SEPTIN12: variants seen among roughly 807,000 people sequenced by gnomAD.
SEPTIN12 encodes septin 12.
In SEPTIN12, 42 loss-of-function variants were observed where a neutral mutation model predicts 37.7. The observed-to-expected ratio is 1.11, with a 90% confidence interval of 0.87 to 1.44. The LOEUF (loss-of-function observed/expected upper bound fraction) is 1.44. Ranked by LOEUF, SEPTIN12 falls within the 40% of genes most tolerant of loss-of-function variation. SEPTIN12 has a pLI of 0.00. For missense variants in SEPTIN12, 613 were observed against 479.2 expected, an observed-to-expected ratio of 1.28 and a Z score of -2.61; for synonymous variants, 254 against 196.7, an observed-to-expected ratio of 1.29 and a Z score of -2.44.
At chr16:4,789,548 G>A (rs552771830), upstream of SEPTIN12, among the ~76,000 whole-genome samples, 4 of 152,052 alleles carry the variant, frequency 2.6e-5, no homozygotes, top group African/African-American at 7.2e-5. Flanking sequence ...GGATGGTCTC[G>A]ATCTCCTGAT....
In SEPTIN12 at chr16:4,783,759, G is replaced by T. The variant is rs371904897; in HGVS notation, c.520C>A (p.Pro174Thr). Residue 174 changes from proline (P) to threonine (T), a missense_variant, in exon 6 of 10, where the codon CCC (proline) becomes ACC (threonine). Coordinates refer to ENST00000268231, the MANE Select transcript of SEPTIN12 (RefSeq NM_144605.5). ...FVPPTGHCLR[P>T]LDIEFLQRLC... ...CGCTGCAGGAACTCAATGTCCAGGG[G>T]CCGCAGGCTGCCGGAGGCAGGGCAG... The T allele has an allele frequency of 3.7e-6, 6 of 1,613,512 alleles. No homozygotes were observed. In the African/African-American group the frequency reaches 5.3e-5, roughly 14 times the overall value.
At chr16:4,783,858 C>T (rs370899328) in intron 5 of SEPTIN12, 73 bp downstream of exon 5, 10 of 1,605,834 alleles carry the variant, frequency 6.2e-6, no homozygotes, top group Non-Finnish European at 8.5e-6. Context: ...GCCGGCAGCC[C>T]ATGGTGGGGA....
chr16:4,787,437 G>T (rs373116265), intron 2 of SEPTIN12, 43 bp downstream of exon 2: 1 of 1,590,976 alleles, frequency 6.3e-7, no homozygotes, highest in East Asian at 2.2e-5. Context: ...GGCACGCGTA[G>T]CACTGTGGGT....
chr16:4,781,943 C>CTTTTTTTTTTTTTTTT (rs571415645), intron 7 of SEPTIN12, among the ~76,000 whole-genome samples: 2 of 47,446 alleles, frequency 4.2e-5, no homozygotes, highest in Non-Finnish European at 7.1e-5. Context: ...CGTGCCCGGC[C>CTTTTTTTTTTTTTTTT]TTTTTTTTTT....
intron 2 of SEPTIN12, among the ~76,000 whole-genome samples, chr16:4,786,973 C>T (rs1221471727): frequency 6.6e-6 from 1 of 152,062 alleles, no homozygotes; most frequent in Non-Finnish European, 1.5e-5. Flanking sequence ...CTCCCAGGTT[C>T]AAGCAATTCT....
Position 4,784,005 on chromosome 16 carries a change from G to T in SEPTIN12, c.438C>A (p.Leu146=). 1 of 1,614,182 alleles carries T rather than the reference G, an allele frequency of 6.2e-7. No individual in the cohort carries two copies. Among genetic ancestry groups the T allele is most frequent in the East Asian group, 2.2e-5 (1 of 44,880 alleles). The change falls in exon 5 of 10, where the codon CTC becomes CTA. Residue 146 remains leucine, a synonymous_variant. Coordinates refer to ENST00000268231, the MANE Select transcript of SEPTIN12 (RefSeq NM_144605.5). ...CTGGGATGTGGCGCTGGCGGGTGAT[G>T]AGGATCTCCTCCTGCAGGTACTGCT... The part of the protein sequence containing the change: ...QYEQYLQEEI[L]ITRQRHIPDT...
chr16:4,786,913 C>T (rs956794283), intron 2 of SEPTIN12, among the ~76,000 whole-genome samples: 1 of 152,088 alleles, frequency 6.6e-6, no homozygotes, highest in Non-Finnish European at 1.5e-5. Context: ...CTTGCTCTGT[C>T]ACCCAGGCTG....
chr16:4,780,620 T>G (rs1238000384), intron 7 of SEPTIN12, among the ~76,000 whole-genome samples: 5 of 152,190 alleles, frequency 3.3e-5, no homozygotes, highest in Non-Finnish European at 1.5e-5. Flanking sequence ...AATTCAAACT[T>G]GCAAACTCCG....
rs567607491 is a variant in SEPTIN12, at chr16:4,780,230, G to A, written c.727-444C>T. On this transcript the variant is annotated intron_variant, in intron 7 of 9. Transcript: ENST00000268231. ...AGTCCCCTGAGGAGTGAGGACCATA[G>A]GTGTGCACCACCATGCCTGGCTACT... Among the ~76,000 whole-genome samples, 129 of 152,132 alleles carry A rather than the reference G, an allele frequency of 8.5e-4. 1 individual carries two copies. In the South Asian group the frequency reaches 0.015, roughly 17 times the overall value.
chr16:4,787,592 G>A lies in SEPTIN12; in HGVS notation c.54C>T (p.Ser18=), dbSNP rs1286871150. 1.9e-6 allele frequency: 3 copies of A among 1,606,572 alleles called. No homozygotes were observed. The South Asian group carries it at 3.3e-5, about 18-fold the overall frequency. ...GCATCTCGCAGGGTGGGGTGCTGGG[G>A]CTGGAGGGCTGCGAGGACAGGCAGG... is the stretch of plus-strand genomic sequence containing the variant. The part of the protein sequence containing the change: ...PSPCLSSQPS[S]PSTPPCEMLG... Residue 18 remains serine, a synonymous_variant, in exon 2 of 10, where the codon AGC becomes AGT. Transcript: ENST00000268231.
At chr16:4,788,667 A>G (rs1439215512), upstream of SEPTIN12, 1 of 152,220 alleles carries the variant, frequency 6.6e-6, no homozygotes, top group Non-Finnish European at 1.5e-5. Flanking sequence ...CGTCAAAAAC[A>G]TGAAGAGATT....
intron 4 of SEPTIN12, among the ~76,000 whole-genome samples, chr16:4,784,677 G>A (rs978801263): frequency 3.9e-5 from 6 of 151,936 alleles, no homozygotes; most frequent in Non-Finnish European, 7.4e-5. Flanking sequence ...GGCTGAGGCA[G>A]GAGGGTCCTT....
At chr16:4,778,249 A>T in intron 8 of SEPTIN12, 112 bp from the exon 9 acceptor site, 1 of 1,112,680 alleles carries the variant, frequency 9.0e-7, no homozygotes, top group Non-Finnish European at 1.3e-6. Context: ...ATTTCTCTTT[A>T]CCCTATCCTG....
intron 7 of SEPTIN12, 62 bp from the exon 8 acceptor site, chr16:4,779,848 G>T: frequency 8.8e-7 from 1 of 1,136,880 alleles, no homozygotes; most frequent in Non-Finnish European, 1.3e-6. Flanking sequence ...GAGAAGAAAA[G>T]TCAAGGCACC....
chr16:4,787,554 C>A lies in SEPTIN12; in HGVS notation c.92G>T (p.Gly31Val), dbSNP rs1335935528. Reference sequence around the variant, plus strand: ...CAGCTGGTCCAGCACAGCCTCAATGCCCACAGGACCAAGCATCTCGCAGGG... The same window carrying A: ...CAGCTGGTCCAGCACAGCCTCAATGACCACAGGACCAAGCATCTCGCAGGG... ...TPPCEMLGPVGIEAVLDQLKI... is the reference protein window; with the variant it reads ...TPPCEMLGPVVIEAVLDQLKI... Residue 31 changes from glycine (G) to valine (V), a missense_variant, in exon 2 of 10, where the codon GGC becomes GTC. Gly to Val is a moderately radical substitution (Grantham distance 109). Transcript: ENST00000268231. 1.2e-5 allele frequency: 20 copies of A among 1,611,730 alleles called. No individual in the cohort carries two copies. The highest frequency in any genetic ancestry group is 1.7e-5 in the Non-Finnish European group (20 of 1,179,846).
At chr16:4,791,178 G>GA (rs1187738435), upstream of SEPTIN12, among the ~76,000 whole-genome samples, 1 of 152,250 alleles carries the variant, frequency 6.6e-6, no homozygotes, top group Non-Finnish European at 1.5e-5. Context: ...GCGGTGAGGG[G>GA]AGGAGCCTCA....
At chr16:4,785,690 A>ATCACTTGAACCTGGGAGGTGGAGGTTGC in intron 4 of SEPTIN12, 117 bp downstream of exon 4, 2 of 724,506 alleles carry the variant, frequency 2.8e-6, no homozygotes, top group Non-Finnish European at 4.7e-6. Flanking sequence ...AGGCAGGAGA[A>ATCACTTGAACCTGGGAGGTGGAGGTTGC]TCACTTGAAC....
In SEPTIN12 at chr16:4,783,465, T is replaced by C; in HGVS notation, c.723A>G (p.Leu241=). The C allele has an allele frequency of 6.2e-7, 1 of 1,613,680 alleles. No individual in the cohort carries two copies. Among genetic ancestry groups the C allele is most frequent in the Non-Finnish European group, 8.5e-7 (1 of 1,179,706 alleles). The change falls in exon 7 of 10, where the codon TTA becomes TTG. Residue 241 remains leucine, a synonymous_variant. Transcript: ENST00000268231. Reference sequence around the variant, plus strand: ...CTCCCGCCCCACAGCCTCTCACCCGTAACTTGCTGTTGAGGATTTTGTCAT... The same window carrying C: ...CTCCCGCCCCACAGCCTCTCACCCGCAACTTGCTGTTGAGGATTTTGTCAT... ...DINDKILNSK[L]RDRIPFAVVG...
At chr16:4,784,326 G>A in intron 4 of SEPTIN12, 1 of 493,270 alleles carries the variant, frequency 2.0e-6, no homozygotes, top group South Asian at 2.3e-5. Context: ...TAAGGGAGGG[G>A]TGAGCATTAA....
Sources: allele counts gnomAD v4.1 joint callset (sites outside exome capture counted in the v4.1 genomes callset), GRCh38; gene constraint gnomAD v4.1.1; transcripts MANE v1.5; gene names NCBI Gene and HGNC (gene_info 2026-07-23, HGNC 2026-07-21).